APOL5: variants seen among roughly 807,000 people sequenced by gnomAD.
APOL5 encodes apolipoprotein L, 5.
A neutral mutation model predicts 35.5 loss-of-function variants in APOL5; 29 were observed. That is an observed-to-expected ratio of 0.82 (90% CI 0.61 to 1.11). The LOEUF is 1.11. Ranked by LOEUF, APOL5 falls within the 50% of genes most tolerant of loss-of-function variation. The pLI, the probability that APOL5 is intolerant of heterozygous loss-of-function variation, is 0.00. For missense variants in APOL5, 514 were observed against 530.4 expected (o/e 0.97, Z 0.30); for synonymous variants, 188 against 200.2 (o/e 0.94, Z 0.51).
intron 2 of APOL5, among the ~76,000 whole-genome samples, chr22:35,721,591 T>C (rs1339411429): frequency 6.6e-6 from 1 of 151,994 alleles, no homozygotes; most frequent in Admixed American, 6.6e-5. Context: ...GGTATACTGA[T>C]AGATGCCCAG....
At position 35,720,601 on chromosome 22, in the gene APOL5, G is replaced by A. The variant is rs768415716; in HGVS notation, c.89G>A (p.Arg30Gln). Residue 30 changes from arginine to glutamine, a missense_variant, in exon 2 of 5, where the codon CGA (arginine) becomes CAA (glutamine). Arg to Gln is a conservative substitution (Grantham distance 43, BLOSUM62 1). This residue lies in a region of APOL5 where 254 missense variants were observed against 254.7 expected (regional missense o/e 1.00). Transcript: ENST00000249044. ...LGEGCKEMWL[R>Q]KVIYGGEVWG... The stretch of plus-strand genomic sequence containing the variant: ...GAAGGTTGTAAAGAAATGTGGCTTC[G>A]AAAGGTAATCTACGGAGGTGAGGTC... The A allele has an allele frequency of 6.2e-6, 10 of 1,614,048 alleles. No homozygotes were observed. The highest frequency in any genetic ancestry group is 4.0e-5 in the African/African-American group (3 of 74,920).
Position 35,726,696 on chromosome 22 carries a change from ACAT to A in APOL5, c.631_633del (p.Ser211del). The A allele has an allele frequency of 6.2e-7, 1 of 1,614,270 alleles. No individual in the cohort carries two copies. The highest frequency in any genetic ancestry group is 8.5e-7 in the Non-Finnish European group (1 of 1,180,048). ...AGCCAGCCGACTGGGGCCTCTGACA[ACAT>A]CACATGAGGCTTTCGGAGGAATAAA... is the stretch of plus-strand genomic sequence containing the variant. On this transcript the variant is annotated inframe_deletion, in exon 3 of 5. Coordinates refer to ENST00000249044, the MANE Select transcript of APOL5 (RefSeq NM_030642.1).
intron 1 of APOL5, among the ~76,000 whole-genome samples, chr22:35,718,300 C>T (rs1363076127): frequency 2.0e-5 from 3 of 152,156 alleles, no homozygotes; most frequent in Non-Finnish European, 4.4e-5. Flanking sequence ...TCAAAGAACT[C>T]ATCTGGATAT....
Position 35,726,308 on chromosome 22 carries a change from A to G in APOL5, c.240A>G (p.Glu80=). ...GTATGCTGTCCTACTTTCTGTTTGA[A>G]GAGCTGATGCGATGTGACAAAGATT... ...EAGMLSYFLF[E]ELMRCDKDSM... Residue 80 remains glutamate (E), a synonymous_variant, in exon 3 of 5, where the codon GAA becomes GAG. Transcript: ENST00000249044. The G allele has an allele frequency of 1.2e-6, 2 of 1,614,216 alleles. No individual in the cohort carries two copies. The highest frequency in any genetic ancestry group is 1.7e-6 in the Non-Finnish European group (2 of 1,180,044).
chr22:35,721,323 G>A (rs1250036149), intron 2 of APOL5, among the ~76,000 whole-genome samples: 3 of 152,066 alleles, frequency 2.0e-5, no homozygotes, highest in East Asian at 1.9e-4. Flanking sequence ...TGGGCGGATC[G>A]CTTGAGGTCA....
At chr22:35,710,113 C>CTTTTTTT in the APOL5 span, among the ~76,000 whole-genome samples, 22 of 86,710 alleles carry the variant, frequency 2.5e-4, no homozygotes, top group African/African-American at 8.2e-4. Context: ...CTTTCTTTCT[C>CTTTTTTT]TTTTTTTTTT....
At chr22:35,711,599 T>TTTCCTTCCTTCCTTCC in the APOL5 span, among the ~76,000 whole-genome samples, 6,943 of 77,502 alleles carry the variant, frequency 0.09, 865 homozygotes, top group African/African-American at 0.24. Flanking sequence ...TCACCATGTT[T>TTTCCTTCCTTCCTTCC]TTCCTTCCTT....
chr22:35,717,788 C>G, upstream of APOL5: 1 of 586,642 alleles, frequency 1.7e-6, no homozygotes, highest in South Asian at 4.1e-5. Context: ...TAGGTGAGGA[C>G]TGGGAGAGAC....
rs16996023 is a variant in APOL5 at position 35,726,386 on chromosome 22, T to C, written c.318T>C (p.Phe106=). 44,267 of 1,614,080 alleles carry C rather than the reference T, an allele frequency of 0.027. 913 individuals are homozygous for C. Among genetic ancestry groups the C allele is most frequent in the African/African-American group, 0.079 (5,963 of 75,034 alleles). Residue 106 remains phenylalanine (F), a synonymous_variant, in exon 3 of 5, where the codon TTT becomes TTC. Transcript: ENST00000249044. ...SEEEKLFLSY[F]PLHKFELEQN... Reference sequence around the variant, plus strand: ...AGGAAAAATTGTTTCTCTCATATTTTCCTTTGCACAAGTTTGAGCTAGAAC... The same window carrying C: ...AGGAAAAATTGTTTCTCTCATATTTCCCTTTGCACAAGTTTGAGCTAGAAC...
rs752157146 is a variant in APOL5 at position 35,728,796 on chromosome 22, A to G, written c.1200A>G (p.Thr400=). 6.2e-7 allele frequency: 1 copy of G among 1,613,558 alleles called. No individual in the cohort carries two copies. Among genetic ancestry groups the G allele is most frequent in the South Asian group, 1.1e-5 (1 of 90,880 alleles). ...TGGGCCCTGGCGTGGCACTGAGGAC[A>G]CCAAAGAGGACAGTCTCTGCCCCAA... ...PRLGPGVALR[T]PKRTVSAPRM... is the part of the protein sequence containing the mutation. The change falls in exon 4 of 5, where the codon ACA becomes ACG. Residue 400 remains threonine, a synonymous_variant. Transcript: ENST00000249044.
At chr22:35,720,034 G>A (rs1045152684) in intron 1 of APOL5, among the ~76,000 whole-genome samples, 9 of 152,100 alleles carry the variant, frequency 5.9e-5, no homozygotes, top group African/African-American at 1.9e-4. Flanking sequence ...GTCAGCATCC[G>A]CCGGTGTATT....
intron 1 of APOL5, among the ~76,000 whole-genome samples, chr22:35,718,755 C>T (rs940115515): frequency 1.3e-5 from 2 of 151,814 alleles, no homozygotes; most frequent in African/African-American, 4.8e-5. Flanking sequence ...TATAACATTA[C>T]ATTTTAAAAA....
intron 2 of APOL5, among the ~76,000 whole-genome samples, chr22:35,723,595 C>T (rs1003451777): frequency 6.6e-6 from 1 of 152,162 alleles, no homozygotes; most frequent in East Asian, 1.9e-4. Context: ...TTTACAAGCT[C>T]CCCCCACTTG....
chr22:35,720,085 T>C (rs1926910831), intron 1 of APOL5, among the ~76,000 whole-genome samples: 2 of 152,214 alleles, frequency 1.3e-5, no homozygotes, highest in Non-Finnish European at 2.9e-5. Flanking sequence ...GCTACTTGTG[T>C]GTGTCTGCCT....
intron 3 of APOL5, among the ~76,000 whole-genome samples, chr22:35,727,648 G>T (rs1927217342): frequency 6.6e-6 from 1 of 152,202 alleles, no homozygotes; most frequent in African/African-American, 2.4e-5. Flanking sequence ...ATCAGTCTGG[G>T]TGGCGACAGC....
intron 2 of APOL5, among the ~76,000 whole-genome samples, chr22:35,723,618 C>A (rs894197368): frequency 2.0e-5 from 3 of 152,160 alleles, no homozygotes; most frequent in African/African-American, 7.2e-5. Flanking sequence ...TGTTAACAAG[C>A]GGCCAGAGTA....
At chr22:35,724,905 C>T (rs145858424) in intron 2 of APOL5, among the ~76,000 whole-genome samples, 2 of 152,292 alleles carry the variant, frequency 1.3e-5, no homozygotes, top group African/African-American at 4.8e-5. Flanking sequence ...GCCACCGTGC[C>T]CGGCCTTGTA....
chr22:35,718,730 G>C (rs1926853058), intron 1 of APOL5, among the ~76,000 whole-genome samples: 1 of 151,676 alleles, frequency 6.6e-6, no homozygotes, highest in Non-Finnish European at 1.5e-5. Flanking sequence ...TGTATAGCAA[G>C]ATGGAAAATA....
chr22:35,710,213 C>T, the APOL5 span, among the ~76,000 whole-genome samples: 1 of 143,782 alleles, frequency 7.0e-6, no homozygotes, highest in Non-Finnish European at 1.5e-5. Flanking sequence ...GCCTCAACAT[C>T]CCAGGCTCTC....
Sources: gnomAD v4.1 joint callset for allele counts (sites outside exome capture counted in the v4.1 genomes callset) on GRCh38, gnomAD v4.1.1 for gene constraint, gnomAD v4.1.1 regional missense constraint, MANE v1.5 for transcripts, NCBI Gene and HGNC (gene_info 2026-07-23, HGNC 2026-07-21) for gene names.